MYOM3: variants seen among roughly 807,000 people sequenced by gnomAD.
The protein encoded by MYOM3 is myomesin 3, also known as myomesin-3.
A neutral mutation model predicts 191.7 loss-of-function variants in MYOM3; 155 were observed. The ratio of observed to expected loss-of-function variants is 0.81; its 90% CI spans 0.71 to 0.92. The LOEUF is 0.92. Among genes scored for constraint, MYOM3 ranks in the 40% least tolerant of loss-of-function variants. The pLI, the probability that MYOM3 is intolerant of heterozygous loss-of-function variation, is 0.00. For missense variants in MYOM3, 1,889 were observed against 1,890.6 expected (o/e 1.00, Z 0.02); for synonymous variants, 757 against 762.9 (o/e 0.99, Z 0.13).
At chr1:24,106,509 T>C (rs762354338) in intron 4 of MYOM3, among the ~76,000 whole-genome samples, 2 of 152,182 alleles carry the variant, frequency 1.3e-5, no homozygotes, top group Non-Finnish European at 2.9e-5. Flanking sequence ...GAAAGTCACT[T>C]TCCAAACCCA....
At position 24,087,099 on chromosome 1, in the gene MYOM3, C is replaced by T. The variant is rs1353729164; in HGVS notation, c.1615-272G>A. ...GGTGGCCCCCATCCTTCCAGTCCCT[C>T]GGGTGAAACCCCTGGAGCCACCCTT... On this transcript the variant is annotated intron_variant, in intron 14 of 36. Transcript: ENST00000374434. This position sits in a 1 kb window ranked among gnomAD's most constrained non-coding sequence, Gnocchi z 4.5. Among the ~76,000 whole-genome samples the T allele has an allele frequency of 3.3e-5, 5 of 152,146 alleles. No homozygotes were observed. Among genetic ancestry groups the T allele is most frequent in the South Asian group, 2.1e-4 (1 of 4,824 alleles).
rs763968263 is a variant in MYOM3 at position 24,065,899 on chromosome 1, T to G, written c.3526A>C (p.Ile1176Leu). The G allele has an allele frequency of 3.7e-6, 6 of 1,608,428 alleles. No individual in the cohort carries two copies. The African/African-American group carries it at 8.0e-5, about 21-fold the overall frequency. ...GCTGGAGCCACACTTGCCTCTTCAA[T>G]GCAGAGAAGTCCCGTTCCCGTCTCT... ...DPETGTGLLCIEELSKKDKGI... is the reference protein window; with the variant it reads ...DPETGTGLLCLEELSKKDKGI... The change falls in exon 29 of 37, where the codon ATT (isoleucine) becomes CTT (leucine). Residue 1176 changes from isoleucine to leucine, a missense_variant. By Grantham distance (5) the Ile-to-Leu change is conservative. Coordinates refer to ENST00000374434, the MANE Select transcript of MYOM3 (RefSeq NM_152372.4).
At chr1:24,065,674 T>C (rs1251773411) in intron 29 of MYOM3, 2 of 600,958 alleles carry the variant, frequency 3.3e-6, no homozygotes, top group South Asian at 1.9e-5. Flanking sequence ...GGGGCTTTAA[T>C]AGTTTTTTTG....
chr1:24,059,537 A>C (rs1643342967), intron 35 of MYOM3, among the ~76,000 whole-genome samples: 1 of 152,238 alleles, frequency 6.6e-6, no homozygotes, highest in Non-Finnish European at 1.5e-5. Context: ...GTCATTTGCT[A>C]TGATTGGTGG....
intron 28 of MYOM3, 162 bp downstream of exon 28, chr1:24,066,859 G>T: frequency 1.6e-6 from 1 of 622,158 alleles, no homozygotes; most frequent in Non-Finnish European, 2.7e-6. Flanking sequence ...TTGCTTTTTG[G>T]GTTACGTGTG....
In MYOM3 at chr1:24,067,100, A is replaced by G. The variant is rs1168882643; in HGVS notation, c.3356-12T>C. 4 of 1,566,800 alleles carry G rather than the reference A, an allele frequency of 2.6e-6. No individual in the cohort carries two copies. In the African/African-American group the frequency reaches 4.1e-5, roughly 16 times the overall value. ...CTCAAAATAGGGACCTGTGCGTGCA[A>G]AACAAATGTGCCCACTGTCAGAGAG... On this transcript the variant is annotated splice_polypyrimidine_tract_variant and intron_variant, in intron 27 of 36. Transcript: ENST00000374434.
chr1:24,083,270 T>C (rs1306538817), intron 16 of MYOM3: 1 of 152,276 alleles, frequency 6.6e-6, no homozygotes, highest in Non-Finnish European at 1.5e-5. Context: ...AATCTTGTTT[T>C]GCAGGGAGCT....
chr1:24,058,902 G>T, intron 36 of MYOM3, 22 bp downstream of exon 36: 6 of 1,587,592 alleles, frequency 3.8e-6, no homozygotes, highest in Non-Finnish European at 5.2e-6. Flanking sequence ...ACTGCTGGCT[G>T]TGGGCTGGGA....
At position 24,089,649 on chromosome 1, in the gene MYOM3, G is replaced by A; in HGVS notation, c.1503C>T (p.Pro501=). The A allele has an allele frequency of 1.3e-6, 2 of 1,586,854 alleles. No homozygotes were observed. The highest frequency in any genetic ancestry group is 1.2e-5 in the South Asian group (1 of 86,580). The change falls in exon 14 of 37, where the codon CCC becomes CCT. Residue 501 remains proline, a synonymous_variant. Transcript: ENST00000374434. ...TGGCATGGACATTGGTTGGCGGTGAGGGGATGGTCACAGTATCTGAAATCA... is the reference window on the plus strand; with the variant it reads ...TGGCATGGACATTGGTTGGCGGTGAAGGGATGGTCACAGTATCTGAAATCA... ...TDAFEDTVTI[P]SPPTNVHASE...
Position 24,090,910 on chromosome 1 carries a change from C to T in MYOM3, c.1319G>A (p.Gly440Asp), listed in dbSNP as rs761861238. The change falls in exon 12 of 37, where the codon GGT (glycine) becomes GAT (aspartate). Residue 440 changes from glycine (G) to aspartate (D), a missense_variant. Gly to Asp is a moderately conservative substitution (Grantham distance 94). Transcript: ENST00000374434. ...TCTCACCCGGAACCGATAGCTCTGA[C>T]CTTCGACGAGGCCTTGGATTGGGCA... ...CRCPIQGLVE[G>D]QSYRFRVRAI... 1 of 1,614,076 alleles carries T rather than the reference C, an allele frequency of 6.2e-7. No individual in the cohort carries two copies. The highest frequency in any genetic ancestry group is 2.2e-5 in the East Asian group (1 of 44,882).
intron 1 of MYOM3, among the ~76,000 whole-genome samples, 164 bp from the exon 2 acceptor site, chr1:24,108,818 C>T (rs1644017216): frequency 6.6e-6 from 1 of 152,204 alleles, no homozygotes; most frequent in African/African-American, 2.4e-5. Flanking sequence ...GGGACCTGCC[C>T]AAGGTGACAG....
At chr1:24,079,363 G>C (rs1643640559) in intron 20 of MYOM3, among the ~76,000 whole-genome samples, 1 of 130,924 alleles carries the variant, frequency 7.6e-6, no homozygotes, top group Admixed American at 7.5e-5. Flanking sequence ...ACCACACCTG[G>C]CTATTTTTTT....
At chr1:24,071,052 C>G (rs1178455508) in intron 25 of MYOM3, 65 bp downstream of exon 25, 3 of 1,570,536 alleles carry the variant, frequency 1.9e-6, no homozygotes, top group Admixed American at 3.5e-5. Context: ...TGCGGAATCA[C>G]CATCCCGCGA....
At position 24,071,163 on chromosome 1, in the gene MYOM3, G is replaced by C; in HGVS notation, c.3104C>G (p.Ala1035Gly). ...WLEVEKLSPA[A>G]ELHLIFNNKE... The stretch of plus-strand genomic sequence containing the variant: ...GTTGTTGAAGATTAGATGTAGCTCA[G>C]CGGCTGGAGATAACTTTTCTACTTC... Residue 1035 changes from alanine (A) to glycine (G), a missense_variant, in exon 25 of 37, where the codon GCT becomes GGT. Physicochemically the swap from Ala to Gly is moderately conservative, Grantham distance 60. Transcript: ENST00000374434. 6.2e-7 allele frequency: 1 copy of C among 1,614,186 alleles called. No homozygotes were observed. Among genetic ancestry groups the C allele is most frequent in the Non-Finnish European group, 8.5e-7 (1 of 1,180,014 alleles).
chr1:24,072,119 C>T, intron 23 of MYOM3, 106 bp from the exon 24 acceptor site: 1 of 1,069,560 alleles, frequency 9.3e-7, no homozygotes, highest in Non-Finnish European at 1.4e-6. Flanking sequence ...GGTCAAAATT[C>T]CAAGAGACAC....
At chr1:24,066,488 G>C in intron 28 of MYOM3, 1 of 522,942 alleles carries the variant, frequency 1.9e-6, no homozygotes, top group Non-Finnish European at 3.4e-6. Context: ...CCCTTCCCCA[G>C]TTATCTAAAC....
chr1:24,107,488 A>G (rs948853501), intron 3 of MYOM3, among the ~76,000 whole-genome samples: 3 of 152,174 alleles, frequency 2.0e-5, no homozygotes, highest in Non-Finnish European at 4.4e-5. Flanking sequence ...ACGACAGCCA[A>G]GTGGCCAGGC....
chr1:24,078,875 A>G (rs892252884), intron 20 of MYOM3, among the ~76,000 whole-genome samples: 1 of 152,140 alleles, frequency 6.6e-6, no homozygotes, highest in African/African-American at 2.4e-5. Context: ...ATGTCTAAGT[A>G]TTTGTGAGTT....
In MYOM3 at chr1:24,071,034, C is replaced by G. The variant is rs928541238; in HGVS notation, c.3150+83G>C. 12 of 1,519,532 alleles carry G rather than the reference C, an allele frequency of 7.9e-6. No homozygotes were observed. The Admixed American group carries it at 1.2e-4, about 16-fold the overall frequency. 94.1% of individuals were successfully genotyped at this position (1,519,532 alleles called of 1,614,324 possible). ...CTGAAATGGCCACTAGGGGGAAGTA[C>G]CAGCCCATGCGGAATCACCATCCCG... On this transcript the variant is annotated intron_variant, in intron 25 of 36. Transcript: ENST00000374434.
Sources: allele counts gnomAD v4.1 joint callset (sites outside exome capture counted in the v4.1 genomes callset), GRCh38; gene constraint gnomAD v4.1.1; non-coding constraint Gnocchi (gnomAD v3.1); transcripts MANE v1.5; gene names NCBI Gene and HGNC (gene_info 2026-07-23, HGNC 2026-07-21).